Variants in USP9X observed in about 807,000 individuals in gnomAD.
The protein encoded by USP9X is ubiquitin specific peptidase 9 X-linked.
A neutral mutation model predicts 190.3 loss-of-function variants in USP9X; 7 were observed. The ratio of observed to expected loss-of-function variants is 0.04; its 90% CI spans 0.02 to 0.07. The LOEUF (loss-of-function observed/expected upper bound fraction) is 0.07. USP9X is among the 10% of genes least tolerant of loss of function. The probability of loss-of-function intolerance (pLI) is 1.00; values close to 1 mark genes in which losing one functional copy is unlikely to be tolerated. For missense variants in USP9X, 1,010 were observed against 1,916.9 expected, an observed-to-expected ratio of 0.53 and a Z score of 8.83; for synonymous variants, 645 against 659.5, an observed-to-expected ratio of 0.98 and a Z score of 0.34.
intron 1 of USP9X, among the ~76,000 whole-genome samples, chrX:41,101,980 G>C (rs1429696413): frequency 9.0e-6 from 1 of 111,601 alleles, no homozygotes; most frequent in African/African-American, 3.3e-5. Context: ...GCATGGGACT[G>C]AGGGGAGGTT....
At chrX:41,158,666 C>A (rs1306223723) in intron 14 of USP9X, among the ~76,000 whole-genome samples, 1 of 110,840 alleles carries the variant, frequency 9.0e-6, no homozygotes, top group East Asian at 2.8e-4. Context: ...ATACTATAAA[C>A]CAGCAGTCCC....
chrX:41,188,211 T>C, intron 25 of USP9X, 94 bp downstream of exon 25: 2 of 853,077 alleles, frequency 2.3e-6, no homozygotes, highest in Non-Finnish European at 3.2e-6. Context: ...TTTTTAAAAA[T>C]TGAATCACTT....
intron 24 of USP9X, among the ~76,000 whole-genome samples, chrX:41,187,182 A>G: frequency 8.9e-6 from 1 of 112,259 alleles, no homozygotes; most frequent in Non-Finnish European, 1.9e-5. Context: ...GCTGCGGTCG[A>G]AACCGAATGT....
At chrX:41,198,914 C>A (rs1257572286) in intron 30 of USP9X, among the ~76,000 whole-genome samples, 164 bp downstream of exon 30, 1 of 112,046 alleles carries the variant, frequency 8.9e-6, no homozygotes, top group Non-Finnish European at 1.9e-5. Context: ...AGGCCGGGCA[C>A]GGTGGCTCAG....
In USP9X at chrX:41,218,391, C is replaced by T; in HGVS notation, c.6229C>T (p.Leu2077Phe). 9.9e-6 allele frequency: 12 copies of T among 1,210,612 alleles called. No homozygotes were observed. Among genetic ancestry groups the T allele is most frequent in the Non-Finnish European group, 1.3e-5 (12 of 895,183 alleles). ...ASDWYDALCILLRHSKNVRFW... is the reference protein window; with the variant it reads ...ASDWYDALCIFLRHSKNVRFW... ...TTTTAGGTATGATGCATTGTGTATT[C>T]TCCTTCGTCACAGCAAGAATGTACG... Residue 2077 changes from leucine to phenylalanine, a missense_variant, in exon 37 of 45, where the codon CTC (leucine) becomes TTC (phenylalanine). Leu to Phe is a conservative substitution (Grantham distance 22). Coordinates refer to ENST00000378308, the MANE Select transcript of USP9X (RefSeq NM_001039591.3).
chrX:41,196,964 G>A (rs1468490365), intron 28 of USP9X, among the ~76,000 whole-genome samples: 4 of 111,763 alleles, frequency 3.6e-5, no homozygotes, highest in Non-Finnish European at 5.6e-5. Context: ...AAATACTGAT[G>A]TTCAGCTTCT....
intron 1 of USP9X, among the ~76,000 whole-genome samples, chrX:41,102,941 C>T (rs1306898594): frequency 2.7e-5 from 3 of 111,037 alleles, no homozygotes; most frequent in Admixed American, 9.6e-5. Flanking sequence ...TATAGGCGCC[C>T]GCCACCACGC....
chrX:41,155,547 A>G (rs1230391688), intron 14 of USP9X, among the ~76,000 whole-genome samples: 1 of 111,518 alleles, frequency 9.0e-6, no homozygotes, highest in African/African-American at 3.3e-5. Flanking sequence ...TTTACTTAGG[A>G]TGCTACCTTC....
Position 41,216,448 on chromosome X carries a change from C to A in USP9X, c.5881C>A (p.Gln1961Lys). Residue 1961 changes from glutamine (Q) to lysine (K), a missense_variant, in exon 35 of 45, where the codon CAA becomes AAA. Physicochemically the swap from Gln to Lys is moderately conservative, Grantham distance 53. This residue lies in a region of USP9X where 31 missense variants were observed against 27.2 expected (regional missense o/e 1.14). Coordinates refer to ENST00000378308, the MANE Select transcript of USP9X (RefSeq NM_001039591.3). ...LFYERMDTIDQDDELIRYISE... is the reference protein window; with the variant it reads ...LFYERMDTIDKDDELIRYISE... ...TTATGAACGAATGGACACAATAGACCAAGATGATGAGTTGATAAGATATAT... is the reference window on the plus strand; with the variant it reads ...TTATGAACGAATGGACACAATAGACAAAGATGATGAGTTGATAAGATATAT... The A allele has an allele frequency of 8.3e-7, 1 of 1,210,785 alleles. No homozygotes were observed. The highest frequency in any genetic ancestry group is 1.1e-6 in the Non-Finnish European group (1 of 895,232).
chrX:41,175,467 GCTATAT>G (rs1394650479), intron 21 of USP9X, among the ~76,000 whole-genome samples: 6 of 109,850 alleles, frequency 5.5e-5, no homozygotes, highest in Non-Finnish European at 7.6e-5. Context: ...ACTGCATTGA[GCTATAT>G]GATCAAGCCA....
At chrX:41,148,696 C>CT (rs1479103327) in intron 12 of USP9X, 121 bp downstream of exon 12, 9 of 702,118 alleles carry the variant, frequency 1.3e-5, no homozygotes, top group East Asian at 3.5e-5. Context: ...CCGGAGTTGA[C>CT]TTTTTTTGTT....
chrX:41,123,589 A>G lies in USP9X; in HGVS notation c.-40A>G. The G allele has an allele frequency of 8.8e-7, 1 of 1,136,880 alleles. No homozygotes were observed. The allele number at this position is 1,136,880 out of a possible 1,213,427, so 93.7% of individuals were successfully genotyped here. The stretch of plus-strand genomic sequence containing the variant: ...TAATTTCTTTTCTCAAGACAACTAC[A>G]TAAGCAGACAAAATTGCAAAGATCT... On this transcript the variant is annotated 5_prime_UTR_variant, in exon 2 of 45. Coordinates refer to ENST00000378308, the MANE Select transcript of USP9X (RefSeq NM_001039591.3).
At chrX:41,183,025 G>A (rs1360279630) in intron 21 of USP9X, among the ~76,000 whole-genome samples, 2 of 107,818 alleles carry the variant, frequency 1.9e-5, no homozygotes, top group African/African-American at 6.8e-5. Context: ...TGCAACGTCC[G>A]CCTCCCAGGT....
chrX:41,151,341 T>A (rs1243164207), intron 13 of USP9X, among the ~76,000 whole-genome samples: 1 of 111,885 alleles, frequency 8.9e-6, no homozygotes, highest in African/African-American at 3.2e-5. Context: ...TTCCAGCAAG[T>A]ATGCCAAGAA....
chrX:41,225,145 C>T lies in USP9X; in HGVS notation c.7061+8C>T, dbSNP rs2063301491. The T allele has an allele frequency of 8.3e-7, 1 of 1,202,930 alleles. No individual in the cohort carries two copies. The highest frequency in any genetic ancestry group is 1.8e-5 in the African/African-American group (1 of 56,964). The stretch of plus-strand genomic sequence containing the variant: ...CTCCTGGCAAACTCACAGGTGGATA[C>T]TCTTTTTGTGACTGGAAACAATTAG... On this transcript the variant is annotated splice_region_variant and intron_variant, in intron 41 of 44. Transcript: ENST00000378308.
intron 14 of USP9X, among the ~76,000 whole-genome samples, chrX:41,154,853 A>G (rs927520488): frequency 6.4e-5 from 7 of 109,141 alleles, no homozygotes; most frequent in Non-Finnish European, 1.3e-4. Context: ...TTATTACACT[A>G]CTCTTGATTA....
chrX:41,192,733 C>T (rs1193866216), intron 26 of USP9X, among the ~76,000 whole-genome samples: 1 of 111,402 alleles, frequency 9.0e-6, no homozygotes, highest in Non-Finnish European at 1.9e-5. Flanking sequence ...CTATTGTCTA[C>T]AAGACACTAC....
chrX:41,161,328 C>CTT (rs2062627927), intron 14 of USP9X, among the ~76,000 whole-genome samples: 4 of 58,147 alleles, frequency 6.9e-5, no homozygotes, highest in African/African-American at 2.5e-4. Context: ...AGAATTCTTG[C>CTT]CTTTTTTTTT....
At chrX:41,178,640 A>G (rs2062800284) in intron 21 of USP9X, among the ~76,000 whole-genome samples, 1 of 111,819 alleles carries the variant, frequency 8.9e-6, no homozygotes, top group African/African-American at 3.3e-5. Flanking sequence ...TAGTTTGCAA[A>G]TATTTTCTCC....
Sources: gnomAD v4.1 joint callset for allele counts (sites outside exome capture counted in the v4.1 genomes callset) on GRCh38, gnomAD v4.1.1 for gene constraint, gnomAD v4.1.1 regional missense constraint, MANE v1.5 for transcripts, NCBI Gene and HGNC (gene_info 2026-07-23, HGNC 2026-07-21) for gene names.